The following CEP128 variants were observed in gnomAD, a reference collection of about 807,000 sequenced individuals.
The protein encoded by CEP128 is centrosomal protein 128.
Under a neutral mutation model 156.7 loss-of-function variants are expected in CEP128, and 132 were observed. That is an observed-to-expected ratio of 0.84 (90% CI 0.73 to 0.97). The LOEUF (loss-of-function observed/expected upper bound fraction) is 0.97. CEP128 is among the 50% of genes least tolerant of loss of function. CEP128 has a pLI of 0.00. For missense variants in CEP128, 1,252 were observed against 1,281.9 expected, an observed-to-expected ratio of 0.98 and a Z score of 0.36; for synonymous variants, 469 against 448.9, an observed-to-expected ratio of 1.04 and a Z score of -0.57.
chr14:80,649,347 A>C (rs1025537838), intron 19 of CEP128, among the ~76,000 whole-genome samples: 16 of 152,118 alleles, frequency 1.1e-4, no homozygotes, highest in Non-Finnish European at 2.1e-4. Context: ...AAAGAATGCC[A>C]TATCTAGAAA....
At chr14:80,512,887 T>G (rs1055375469) in intron 23 of CEP128, among the ~76,000 whole-genome samples, 1 of 152,106 alleles carries the variant, frequency 6.6e-6, no homozygotes, top group African/African-American at 2.4e-5. Flanking sequence ...CCTCCCACTT[T>G]TAAATTTTTG....
At chr14:80,502,445 A>G (rs1289698047) in intron 24 of CEP128, among the ~76,000 whole-genome samples, 2 of 152,168 alleles carry the variant, frequency 1.3e-5, no homozygotes, top group Non-Finnish European at 2.9e-5. Flanking sequence ...CAAGACGCAC[A>G]TGAATCATCT....
chr14:80,910,491 C>T (rs1364185530), intron 4 of CEP128, among the ~76,000 whole-genome samples: 1 of 152,114 alleles, frequency 6.6e-6, no homozygotes, highest in Non-Finnish European at 1.5e-5. Flanking sequence ...CACTCCTTCC[C>T]GTGCTCCTAC....
chr14:80,621,091 G>A (rs1239282819), intron 19 of CEP128, among the ~76,000 whole-genome samples: 1 of 152,058 alleles, frequency 6.6e-6, no homozygotes, highest in African/African-American at 2.4e-5. Flanking sequence ...TGCAAATAAG[G>A]CAAAATGTTA....
chr14:80,874,663 G>A (rs958981243), intron 8 of CEP128, among the ~76,000 whole-genome samples: 1 of 152,140 alleles, frequency 6.6e-6, no homozygotes, highest in African/African-American at 2.4e-5. Context: ...TGTCGCCCAG[G>A]CTGGAGTGCA....
chr14:80,570,753 C>T (rs1010215159), intron 20 of CEP128, among the ~76,000 whole-genome samples: 1 of 151,828 alleles, frequency 6.6e-6, no homozygotes, highest in Non-Finnish European at 1.5e-5. Flanking sequence ...TTTTTATTAG[C>T]ATCAGGGTGA....
chr14:80,686,669 A>G (rs1185106601), intron 19 of CEP128, among the ~76,000 whole-genome samples: 1 of 152,188 alleles, frequency 6.6e-6, no homozygotes, highest in African/African-American at 2.4e-5. Flanking sequence ...GGTGTGCTCT[A>G]TTCAAGAGAC....
At chr14:80,900,537 T>G (rs1883488775) in intron 6 of CEP128, among the ~76,000 whole-genome samples, 1 of 152,238 alleles carries the variant, frequency 6.6e-6, no homozygotes, top group Non-Finnish European at 1.5e-5. Context: ...CAACTCCTGC[T>G]GTACAGAAAC....
intron 8 of CEP128, among the ~76,000 whole-genome samples, chr14:80,887,842 T>A (rs992489677): frequency 6.6e-6 from 1 of 152,102 alleles, no homozygotes; most frequent in Non-Finnish European, 1.5e-5. Context: ...ATTCAGGAGC[T>A]GGTTTTTTGA....
chr14:80,561,313 A>G (rs999745640), intron 20 of CEP128, among the ~76,000 whole-genome samples: 1 of 152,208 alleles, frequency 6.6e-6, no homozygotes, highest in Non-Finnish European at 1.5e-5. Flanking sequence ...CATAATTTTC[A>G]TAAAATAACT....
chr14:80,500,072 C>G (rs751994089), intron 24 of CEP128, among the ~76,000 whole-genome samples: 2 of 152,320 alleles, frequency 1.3e-5, no homozygotes, highest in South Asian at 4.1e-4. Flanking sequence ...TTCTTCCTGG[C>G]AGAAGGAATC....
chr14:80,489,195 A>C (rs1164051262), downstream of CEP128, among the ~76,000 whole-genome samples: 1 of 151,768 alleles, frequency 6.6e-6, no homozygotes. Flanking sequence ...AGAGGGAAAG[A>C]ATATTTTCCC....
chr14:80,507,071 C>T (rs1397799803), intron 23 of CEP128, among the ~76,000 whole-genome samples: 1 of 151,786 alleles, frequency 6.6e-6, no homozygotes, highest in Non-Finnish European at 1.5e-5. Flanking sequence ...AGTGCCTGTG[C>T]CTGCTTCACC....
chr14:80,637,128 T>C (rs1894218983), intron 19 of CEP128, among the ~76,000 whole-genome samples: 1 of 151,754 alleles, frequency 6.6e-6, no homozygotes, highest in South Asian at 2.1e-4. Flanking sequence ...TCTGTCCATG[T>C]ATTCCCAGCC....
At chr14:80,831,871 A>C (rs945368544) in intron 12 of CEP128, among the ~76,000 whole-genome samples, 21 of 152,208 alleles carry the variant, frequency 1.4e-4, no homozygotes, top group Non-Finnish European at 2.4e-4. Context: ...TTCTAATATA[A>C]GGACAAATAA....
At chr14:80,738,440 T>G (rs1898644772) in intron 19 of CEP128, among the ~76,000 whole-genome samples, 2 of 152,128 alleles carry the variant, frequency 1.3e-5, no homozygotes, top group African/African-American at 4.8e-5. Context: ...ATTAAAAAGT[T>G]GAGAACACTA....
chr14:80,869,621 G>A (rs1363459658), intron 8 of CEP128, among the ~76,000 whole-genome samples: 4 of 151,902 alleles, frequency 2.6e-5, no homozygotes, highest in Admixed American at 2.6e-4. Flanking sequence ...AAATGAAATA[G>A]ACTAGAAAAA....
chr14:80,762,997 C>T (rs947558497), intron 16 of CEP128, among the ~76,000 whole-genome samples: 1 of 152,144 alleles, frequency 6.6e-6, no homozygotes, highest in African/African-American at 2.4e-5. Flanking sequence ...CATTCATTTA[C>T]GATGAGACTC....
intron 16 of CEP128, among the ~76,000 whole-genome samples, chr14:80,762,952 A>C (rs1299008170): frequency 6.6e-6 from 1 of 152,172 alleles, no homozygotes; most frequent in Non-Finnish European, 1.5e-5. Flanking sequence ...ACAAGAGATT[A>C]ATGTGTATGA....
Sources: allele counts gnomAD v4.1 joint callset (sites outside exome capture counted in the v4.1 genomes callset), GRCh38; gene constraint gnomAD v4.1.1; transcripts MANE v1.5; gene names NCBI Gene and HGNC (gene_info 2026-07-23, HGNC 2026-07-21).